GSTT4: variants seen among roughly 807,000 people sequenced by gnomAD.
GSTT4 encodes the protein glutathione S-transferase theta-4.
downstream of GSTT4, among the ~76,000 whole-genome samples, chr22:23,995,854 A>C (rs532432111): frequency 6.6e-6 from 1 of 152,206 alleles, no homozygotes; most frequent in Admixed American, 6.5e-5. Flanking sequence ...TTATAAATGG[A>C]AGTGTGGTTT....
At chr22:23,997,170 AT>A (rs2146223490), downstream of GSTT4, among the ~76,000 whole-genome samples, 1 of 151,938 alleles carries the variant, frequency 6.6e-6, no homozygotes, top group Admixed American at 6.6e-5. Flanking sequence ...GACCAATGTG[AT>A]GTCTCCATTT....
Position 23,998,551 on chromosome 22 carries a change from CTTCTT to C in GSTT4, c.712_716del (p.Lys238GlufsTer24). On this transcript the variant is annotated frameshift_variant, in exon 5 of 5. Transcript: ENST00000621179. LOFTEE classifies it high-confidence loss of function. ...CAGGCTGCGCCTAGGGTCACCTGCT[CTTCTT>C]CAGCAACTCAGAAATATTCTCCTTG... The C allele has an allele frequency of 1.4e-5, 2 of 145,800 alleles. No homozygotes were observed. Among genetic ancestry groups the C allele is most frequent in the African/African-American group, 5.1e-5 (2 of 38,898 alleles). 9.0% of individuals were successfully genotyped at this position (145,800 alleles called of 1,614,324 possible). A position where few individuals can be genotyped will look rare whatever the true frequency, so the allele number is the denominator to read the frequency against.
At chr22:24,003,273 G>A (rs1320150399) in intron 2 of GSTT4, among the ~76,000 whole-genome samples, 4 of 79,694 alleles carry the variant, frequency 5.0e-5, no homozygotes, top group Non-Finnish European at 1.2e-4. Context: ...GTGCAACGAC[G>A]CAGTCTTGGC....
downstream of GSTT4, among the ~76,000 whole-genome samples, chr22:23,994,152 A>G (rs1051499589): frequency 2.6e-5 from 4 of 151,122 alleles, no homozygotes; most frequent in Non-Finnish European, 5.9e-5. Context: ...AGAATAAAAA[A>G]GAGCCACAAT....
chr22:24,004,365 C>G (rs999663953), intron 1 of GSTT4: 3 of 152,944 alleles, frequency 2.0e-5, no homozygotes, highest in African/African-American at 7.2e-5. Context: ...GGACCAGCCG[C>G]CTCCAGTTGG....
At chr22:23,990,649 TAAATAAA>T in the GSTT4 span, among the ~76,000 whole-genome samples, 1 of 46,006 alleles carries the variant, frequency 2.2e-5, no homozygotes, top group Non-Finnish European at 5.6e-5. Context: ...AATAAATAAA[TAAATAAA>T]CAAACAAACA....
intron 2 of GSTT4, among the ~76,000 whole-genome samples, chr22:24,001,564 G>A (rs1354473486): frequency 6.6e-6 from 1 of 152,282 alleles, no homozygotes; most frequent in African/African-American, 2.4e-5. Context: ...GGCCAGCAGG[G>A]GGAACAACAC....
At chr22:23,994,007 T>C (rs1165300739), downstream of GSTT4, among the ~76,000 whole-genome samples, 4 of 152,336 alleles carry the variant, frequency 2.6e-5, no homozygotes, top group Non-Finnish European at 4.4e-5. Context: ...ATGTAAACAA[T>C]AGGCTAGGCT....
downstream of GSTT4, among the ~76,000 whole-genome samples, chr22:23,994,762 C>T (rs542846194): frequency 6.6e-6 from 1 of 152,202 alleles, no homozygotes; most frequent in African/African-American, 2.4e-5. Flanking sequence ...GCTTTTTCTG[C>T]ACCAAACGCA....
intron 4 of GSTT4, among the ~76,000 whole-genome samples, chr22:23,999,110 C>T (rs1488525273): frequency 6.6e-6 from 1 of 152,136 alleles, no homozygotes; most frequent in Non-Finnish European, 1.5e-5. Context: ...CAGGTTTTTT[C>T]CTCCATGTTT....
At chr22:23,993,202 AG>A in the GSTT4 span, among the ~76,000 whole-genome samples, 1 of 152,124 alleles carries the variant, frequency 6.6e-6, no homozygotes, top group Non-Finnish European at 1.5e-5. Flanking sequence ...ATTCTAGTTG[AG>A]GTCTTCTTGT....
At chr22:24,004,761 T>A (rs974163707) in intron 1 of GSTT4, 323 of 152,820 alleles carry the variant, frequency 2.1e-3, no homozygotes, top group Non-Finnish European at 2.7e-3. Context: ...CTGTCATTAG[T>A]GAGCACTGAC....
intron 2 of GSTT4, among the ~76,000 whole-genome samples, chr22:24,002,721 C>T (rs2034259458): frequency 6.6e-6 from 1 of 151,410 alleles, no homozygotes. Flanking sequence ...GTCCCAGCTA[C>T]TCAGGAGGCT....
chr22:23,992,001 C>G, the GSTT4 span, among the ~76,000 whole-genome samples: 14 of 144,114 alleles, frequency 9.7e-5, no homozygotes, highest in East Asian at 2.1e-4. Context: ...TGCAGTGAGC[C>G]GAGCTCACGC....
At chr22:23,991,985 G>A in the GSTT4 span, among the ~76,000 whole-genome samples, 30 of 143,040 alleles carry the variant, frequency 2.1e-4, no homozygotes, top group African/African-American at 7.0e-4. Context: ...CCCGGGAGGC[G>A]GAGCTTGCAG....
downstream of GSTT4, among the ~76,000 whole-genome samples, chr22:23,996,052 T>C (rs751252516): frequency 2.0e-5 from 3 of 152,076 alleles, no homozygotes; most frequent in Non-Finnish European, 4.4e-5. Flanking sequence ...CTGGTGATTC[T>C]CCTGCCTTTG....
Position 23,999,030 on chromosome 22 carries a change from G to A in GSTT4, c.529-291C>T, listed in dbSNP as rs187216223. Among the ~76,000 whole-genome samples, 421 of 152,354 alleles carry A rather than the reference G, an allele frequency of 2.8e-3. 1 individual carries two copies. The highest frequency in any genetic ancestry group is 4.3e-3 in the Non-Finnish European group (295 of 68,046). On this transcript the variant is annotated intron_variant, in intron 4 of 4. Coordinates refer to ENST00000621179, the MANE Select transcript of GSTT4 (RefSeq NM_001358664.2). ...TCCCACTTCTCCAGCCTGCGACCTC[G>A]CATGAATCCTGCCTTCTTCCAGGGA...
chr22:23,993,905 A>C (rs2146221267), downstream of GSTT4, among the ~76,000 whole-genome samples: 2 of 151,896 alleles, frequency 1.3e-5, no homozygotes, highest in South Asian at 4.2e-4. Context: ...CCCAGGATAC[A>C]CGTTTATGGG....
chr22:23,995,755 A>C (rs759402585), downstream of GSTT4, among the ~76,000 whole-genome samples: 17 of 152,128 alleles, frequency 1.1e-4, no homozygotes, highest in Non-Finnish European at 2.5e-4. Flanking sequence ...CGCTTCTTTA[A>C]TTTCTTTCAA....
Sources: allele counts gnomAD v4.1 joint callset (sites outside exome capture counted in the v4.1 genomes callset), GRCh38; gene constraint gnomAD v4.1.1; transcripts MANE v1.5; gene names NCBI Gene and HGNC (gene_info 2026-07-23, HGNC 2026-07-21).